Variants in RNF44 observed in about 807,000 individuals in gnomAD.
The protein encoded by RNF44 is ring finger protein 44.
RNF44 carries 25 observed loss-of-function variants against 53.6 expected under a neutral mutation model. The observed-to-expected ratio is 0.47, with a 90% CI of 0.34 to 0.65. The LOEUF is 0.65. Ranked by LOEUF, RNF44 falls within the 30% of genes least tolerant of loss-of-function variation. RNF44 has a pLI of 0.01. For synonymous variants in RNF44, 282 were observed against 252.2 expected (o/e 1.12, Z -1.12); for missense variants, 581 against 595.5 (o/e 0.98, Z 0.25).
chr5:176,537,195 C>T lies in RNF44; in HGVS notation c.-300G>A, dbSNP rs1367340818. The T allele has an allele frequency of 6.6e-6, 1 of 152,394 alleles. No individual in the cohort carries two copies. The highest frequency in any genetic ancestry group is 2.4e-5 in the African/African-American group (1 of 41,474). The allele number at this position is 152,394 out of a possible 1,614,324, so 9.4% of individuals were successfully genotyped here. ...ATCAGTCTCTCTCGGCCCAGGCCCTCAGGGAGCGGGAGGCGGCGCAGGACG... is the reference window on the plus strand; with the variant it reads ...ATCAGTCTCTCTCGGCCCAGGCCCTTAGGGAGCGGGAGGCGGCGCAGGACG... On this transcript the variant is annotated 5_prime_UTR_variant, in exon 1 of 11. Coordinates refer to ENST00000274811, the MANE Select transcript of RNF44 (RefSeq NM_014901.5).
Position 176,530,729 on chromosome 5 carries a change from G to T in RNF44, c.654C>A (p.Leu218=). ...CCCCACGCAGGTCCACGTCGTTGTCGAGCCGCTGGAGGGGCTGGAAGAACC... is the reference window on the plus strand; with the variant it reads ...CCCCACGCAGGTCCACGTCGTTGTCTAGCCGCTGGAGGGGCTGGAAGAACC... ...TQHPRMPLQR[L]DNDVDLRGDQ... is the part of the protein sequence containing the mutation. The change falls in exon 6 of 11, where the codon CTC becomes CTA. Residue 218 remains leucine, a synonymous_variant. Transcript: ENST00000274811. The T allele has an allele frequency of 6.5e-7, 1 of 1,543,444 alleles. No homozygotes were observed. The highest frequency in any genetic ancestry group is 2.5e-5 in the East Asian group (1 of 39,276).
At chr5:176,536,784 G>C (rs971612133) in intron 1 of RNF44, among the ~76,000 whole-genome samples, 156 bp downstream of exon 1, 4 of 151,900 alleles carry the variant, frequency 2.6e-5, no homozygotes, top group African/African-American at 9.7e-5. Flanking sequence ...CCTTGGGGGG[G>C]GTTCCTGATC....
upstream of RNF44, among the ~76,000 whole-genome samples, chr5:176,541,570 C>T (rs1757447844): frequency 6.6e-6 from 1 of 152,064 alleles, no homozygotes; most frequent in African/African-American, 2.4e-5. Context: ...GCACTTGATG[C>T]CACATTCCGG....
chr5:176,533,776 C>G (rs751030623), intron 1 of RNF44, among the ~76,000 whole-genome samples: 4 of 152,200 alleles, frequency 2.6e-5, no homozygotes, highest in Admixed American at 2.0e-4. Context: ...GGGTTCCGCT[C>G]AACTCAAAGT....
At position 176,530,147 on chromosome 5, in the gene RNF44, T is replaced by C. The variant is rs1756433585; in HGVS notation, c.861A>G (p.Pro287=). The change falls in exon 7 of 11, where the codon CCA becomes CCG. Residue 287 remains proline (P), a synonymous_variant. Coordinates refer to ENST00000274811, the MANE Select transcript of RNF44 (RefSeq NM_014901.5). The part of the protein sequence containing the change: ...LSTQRYRLQQ[P]LPPPPPPPPP... The stretch of plus-strand genomic sequence containing the variant: ...GTGGGGGTGGGGGCGGCGGGGGCAG[T>C]GGCTGCTGCAGGCGGTATCTCTGGG... 9 of 1,294,620 alleles carry C rather than the reference T, an allele frequency of 7.0e-6. No individual in the cohort carries two copies. In the South Asian group the frequency reaches 2.5e-4, roughly 36 times the overall value. 80.2% of individuals were successfully genotyped at this position (1,294,620 alleles called of 1,614,324 possible).
At position 176,531,134 on chromosome 5, in the gene RNF44, G is replaced by A. The variant is rs754696740; in HGVS notation, c.466-113C>T. On this transcript the variant is annotated intron_variant, in intron 4 of 10. Coordinates refer to ENST00000274811, the MANE Select transcript of RNF44 (RefSeq NM_014901.5). This position sits in a 1 kb window ranked among gnomAD's most constrained non-coding sequence, Gnocchi z 4.2. ...CGGGCACACACCCAGCAGCTCCAGG[G>A]TCTGTATAAGAAACCCTGTGGAAGG... 22 of 765,314 alleles carry A rather than the reference G, an allele frequency of 2.9e-5. No individual in the cohort carries two copies. In the South Asian group the frequency reaches 4.4e-4, roughly 15 times the overall value. 47.4% of individuals were successfully genotyped at this position (765,314 alleles called of 1,614,324 possible).
rs1756403463 is a variant in RNF44 at position 176,529,947 on chromosome 5, GC to G, written c.927-130del. The G allele has an allele frequency of 4.3e-6, 6 of 1,383,746 alleles. No homozygotes were observed. In the South Asian group the frequency reaches 8.9e-5, roughly 21 times the overall value. 85.7% of individuals were successfully genotyped at this position (1,383,746 alleles called of 1,614,324 possible). A position where few individuals can be genotyped will look rare whatever the true frequency, so the allele number is the denominator to read the frequency against. On this transcript the variant is annotated intron_variant, in intron 7 of 10. Coordinates refer to ENST00000274811, the MANE Select transcript of RNF44 (RefSeq NM_014901.5). ...GCGGGGAAGGGAGCCCAGCTGGCGT[GC>G]CTGTCAGGTTAAGGGGGGAACGCCA...
chr5:176,532,383 C>T lies in RNF44; in HGVS notation c.90G>A (p.Pro30=), dbSNP rs560310783. The change falls in exon 2 of 11, where the codon CCG becomes CCA. Residue 30 remains proline (P), a synonymous_variant. Coordinates refer to ENST00000274811, the MANE Select transcript of RNF44 (RefSeq NM_014901.5). The part of the protein sequence containing the change: ...RRFSAGPGST[P]GQLWGSPGLE... ...CTTCCTACCTTCCCCAGAGCTGGCC[C>T]GGGGTGCTGCCAGGTCCCGCAGAGA... 33 of 1,596,328 alleles carry T rather than the reference C, an allele frequency of 2.1e-5. 1 individual carries two copies. The highest frequency in any genetic ancestry group is 1.0e-4 in the Admixed American group (6 of 59,390).
rs1756291570 is a variant in RNF44, at chr5:176,528,951, C to T, written c.*77G>A. The T allele has an allele frequency of 3.5e-6, 5 of 1,429,716 alleles. No homozygotes were observed. Among genetic ancestry groups the T allele is most frequent in the Non-Finnish European group, 4.8e-6 (5 of 1,033,930 alleles). 88.6% of individuals were successfully genotyped at this position (1,429,716 alleles called of 1,614,324 possible). A position where few individuals can be genotyped will look rare whatever the true frequency, so the allele number is the denominator to read the frequency against. ...AAGGGGCAGGCCTGGGCCACTCCCT[C>T]CCCATCCTCCCTGGGCCCCACCCAC... On this transcript the variant is annotated 3_prime_UTR_variant, in exon 11 of 11. Coordinates refer to ENST00000274811, the MANE Select transcript of RNF44 (RefSeq NM_014901.5).
At chr5:176,534,166 AG>A (rs1704330389) in intron 1 of RNF44, among the ~76,000 whole-genome samples, 1 of 152,258 alleles carries the variant, frequency 6.6e-6, no homozygotes, top group Admixed American at 6.5e-5. Context: ...AGCTCAGGGC[AG>A]GCCTGATGTG....
At chr5:176,537,742 C>T (rs959281145), upstream of RNF44, 11 of 152,266 alleles carry the variant, frequency 7.2e-5, no homozygotes, top group Non-Finnish European at 1.3e-4. Context: ...GTGTCATGGT[C>T]CCCTCCTCGG....
At position 176,526,978 on chromosome 5, in the gene RNF44, A is replaced by G. The variant is rs971465471; in HGVS notation, c.*2050T>C. ...AGAACCATTTTTTTCTCTATATATT[A>G]GCATTTTCTCAAATACATACATGGG... is the stretch of plus-strand genomic sequence containing the variant. On this transcript the variant is annotated 3_prime_UTR_variant, in exon 11 of 11. Coordinates refer to ENST00000274811, the MANE Select transcript of RNF44 (RefSeq NM_014901.5). The G allele has an allele frequency of 6.6e-6, 1 of 152,462 alleles. No individual in the cohort carries two copies. Among genetic ancestry groups the G allele is most frequent in the Non-Finnish European group, 1.5e-5 (1 of 68,032 alleles). 9.4% of individuals were successfully genotyped at this position (152,462 alleles called of 1,614,324 possible). A position where few individuals can be genotyped will look rare whatever the true frequency, so the allele number is the denominator to read the frequency against.
At position 176,529,792 on chromosome 5, in the gene RNF44, G is replaced by A. The variant is rs1316231407; in HGVS notation, c.953C>T (p.Ala318Val). Residue 318 changes from alanine to valine, a missense_variant, in exon 8 of 11, where the codon GCA becomes GTA. Ala to Val is a moderately conservative substitution (Grantham distance 64). Coordinates refer to ENST00000274811, the MANE Select transcript of RNF44 (RefSeq NM_014901.5). ...FLSMLPMSPT[A>V]MGPTISLDLD... ...GTCCAGGCTGATGGTGGGCCCCATT[G>A]CTGTTGGTGACATTGGCAGCATCGA... The A allele has an allele frequency of 1.2e-6, 2 of 1,609,498 alleles. No homozygotes were observed. Among genetic ancestry groups the A allele is most frequent in the Admixed American group, 1.7e-5 (1 of 59,548 alleles).
chr5:176,533,849 C>T (rs1353869453), intron 1 of RNF44, among the ~76,000 whole-genome samples: 2 of 152,204 alleles, frequency 1.3e-5, no homozygotes, highest in Non-Finnish European at 2.9e-5. Flanking sequence ...CTGAAGGATG[C>T]GTCCAACAGG....
chr5:176,537,747 C>T (rs990776753), upstream of RNF44: 5 of 152,250 alleles, frequency 3.3e-5, no homozygotes, highest in African/African-American at 1.2e-4. Flanking sequence ...ATGGTCCCCT[C>T]CTCGGGGACA....
chr5:176,532,705 A>G (rs1345963593), intron 1 of RNF44, among the ~76,000 whole-genome samples, 189 bp from the exon 2 acceptor site: 1 of 137,598 alleles, frequency 7.3e-6, no homozygotes, highest in South Asian at 2.3e-4. Context: ...CTGAGATCGC[A>G]CCACTGCACT....
rs757748287 is a variant in RNF44, at chr5:176,531,550, G to A, written c.378C>T (p.His126=). The change falls in exon 4 of 11, where the codon CAC becomes CAT. Residue 126 remains histidine (H), a synonymous_variant. Coordinates refer to ENST00000274811, the MANE Select transcript of RNF44 (RefSeq NM_014901.5). The surrounding 1 kb of genome is among the most constrained non-coding windows in gnomAD (Gnocchi z 4.2). The part of the protein sequence containing the change: ...TQGFPLPTGQ[H]IPGCSAQQLP... ...GCTGCTGGGCACTGCAGCCAGGGATGTGCTGGCCTGTAGGCAAGGGGAAGC... is the reference window on the plus strand; with the variant it reads ...GCTGCTGGGCACTGCAGCCAGGGATATGCTGGCCTGTAGGCAAGGGGAAGC... The A allele has an allele frequency of 1.9e-6, 3 of 1,612,720 alleles. No homozygotes were observed. In the South Asian group the frequency reaches 3.3e-5, roughly 18 times the overall value.
At position 176,530,888 on chromosome 5, in the gene RNF44, A is replaced by AG; in HGVS notation, c.598dup (p.Leu200ProfsTer132). 2.8e-5 allele frequency: 5 copies of AG among 179,232 alleles called. No homozygotes were observed. The highest frequency in any genetic ancestry group is 1.5e-4 in the South Asian group (1 of 6,530). The allele number at this position is 179,232 out of a possible 1,614,324, so 11.1% of individuals were successfully genotyped here. ...GGTCTGCAGAGACACAAACTGCCCCAGGGGCGCCATGTGGGTGGGCTGGGG... is the reference window on the plus strand; with the variant it reads ...GGTCTGCAGAGACACAAACTGCCCCAGGGGGCGCCATGTGGGTGGGCTGGGG... On this transcript the variant is annotated frameshift_variant, in exon 5 of 11. Coordinates refer to ENST00000274811, the MANE Select transcript of RNF44 (RefSeq NM_014901.5). LOFTEE classifies it high-confidence loss of function.
chr5:176,530,697 G>C lies in RNF44; in HGVS notation c.686C>G (p.Pro229Arg). ...DNDVDLRGDQ[P>R]SLGSFTYSTS... Reference sequence around the variant, plus strand: ...GGAGTAGGTGAAGCTGCCCAGGGAGGGCTGGTCCCCACGCAGGTCCACGTC... The same window carrying C: ...GGAGTAGGTGAAGCTGCCCAGGGAGCGCTGGTCCCCACGCAGGTCCACGTC... The change falls in exon 6 of 11, where the codon CCC (proline) becomes CGC (arginine). Residue 229 changes from proline to arginine, a missense_variant. Around this residue, in one of 3 missense-constraint regions of RNF44, gnomAD observed 387 missense variants for 366.0 expected, o/e 1.06. Transcript: ENST00000274811. The C allele has an allele frequency of 6.4e-7, 1 of 1,550,996 alleles. No individual in the cohort carries two copies. Among genetic ancestry groups the C allele is most frequent in the Non-Finnish European group, 8.7e-7 (1 of 1,151,202 alleles).
Sources: allele counts gnomAD v4.1 joint callset (sites outside exome capture counted in the v4.1 genomes callset), GRCh38; gene constraint gnomAD v4.1.1; regional missense constraint gnomAD v4.1.1; non-coding constraint Gnocchi (gnomAD v3.1); transcripts MANE v1.5; gene names NCBI Gene and HGNC (gene_info 2026-07-23, HGNC 2026-07-21).